The following SCAF11 variants were observed in gnomAD, a reference collection of about 807,000 sequenced individuals.
SCAF11 encodes the protein protein SCAF11.
In SCAF11, 47 loss-of-function variants were observed where a neutral mutation model predicts 140.5. The observed-to-expected ratio is 0.33, with a 90% confidence interval of 0.26 to 0.43. SCAF11 has a LOEUF of 0.43. Ranked by LOEUF, SCAF11 falls within the 20% of genes least tolerant of loss-of-function variation. The pLI is 1.00. For missense variants in SCAF11, 1,645 were observed against 1,705.1 expected (o/e 0.96, Z 0.62); for synonymous variants, 557 against 579.4 (o/e 0.96, Z 0.55).
intron 3 of SCAF11, chr12:45,956,024 C>T (rs979806728): frequency 1.5e-6 from 1 of 687,640 alleles, no homozygotes; most frequent in African/African-American, 1.8e-5. Context: ...CAGTAAAACA[C>T]ACCCTACTAT....
intron 3 of SCAF11, chr12:45,961,123 C>T (rs1945815734): frequency 1.9e-6 from 1 of 536,494 alleles, no homozygotes; most frequent in African/African-American, 1.9e-5. Flanking sequence ...TGAAATTAGT[C>T]CACACTAAAT....
intron 6 of SCAF11, among the ~76,000 whole-genome samples, chr12:45,937,974 T>A (rs975662056): frequency 2.0e-5 from 3 of 152,196 alleles, no homozygotes; most frequent in African/African-American, 7.2e-5. Flanking sequence ...CCTTCACAGA[T>A]AATGGAGGCC....
intron 1 of SCAF11, among the ~76,000 whole-genome samples, chr12:45,970,130 G>A (rs993435732): frequency 1.3e-5 from 2 of 152,036 alleles, no homozygotes; most frequent in Non-Finnish European, 2.9e-5. Context: ...TCCTGACCTC[G>A]TGATCCACCC....
chr12:45,942,255 T>G (rs572404439), intron 6 of SCAF11, among the ~76,000 whole-genome samples: 18 of 152,326 alleles, frequency 1.2e-4, no homozygotes, highest in Admixed American at 5.2e-4. Context: ...TTTTCAAGGA[T>G]CAATGGTACA....
chr12:45,965,689 T>G (rs1162937670), intron 1 of SCAF11, among the ~76,000 whole-genome samples: 2 of 152,382 alleles, frequency 1.3e-5, no homozygotes, highest in Admixed American at 1.3e-4. Flanking sequence ...TATGCATTTA[T>G]ATCTACGCAC....
Position 45,936,562 on chromosome 12 carries a change from C to T in SCAF11, c.464-2057G>A, listed in dbSNP as rs1945177947. On this transcript the variant is annotated intron_variant, in intron 6 of 14. Coordinates refer to ENST00000369367, the MANE Select transcript of SCAF11 (RefSeq NM_004719.3). ...CAAAAGTATAAATCTGAGTTTAATA[C>T]ACTCAAACACAACAACTCATCCATA... Among the ~76,000 whole-genome samples, 3 of 152,302 alleles carry T rather than the reference C, an allele frequency of 2.0e-5. No homozygotes were observed. In the South Asian group the frequency reaches 6.2e-4, roughly 32 times the overall value.
Position 45,920,426 on chromosome 12 carries a change from G to C in SCAF11, c.*1622C>G, listed in dbSNP as rs934929513. The C allele has an allele frequency of 6.6e-6, 1 of 152,110 alleles. No homozygotes were observed. Among genetic ancestry groups the C allele is most frequent in the African/African-American group, 2.4e-5 (1 of 41,382 alleles). 9.4% of individuals were successfully genotyped at this position (152,110 alleles called of 1,614,324 possible). On this transcript the variant is annotated 3_prime_UTR_variant, in exon 15 of 15. Coordinates refer to ENST00000369367, the MANE Select transcript of SCAF11 (RefSeq NM_004719.3). ...ATCTCACTGAGGCATGTATCTCCTT[G>C]GATCTATTAACTTATCTGAAGAACT...
chr12:45,972,909 GATATATATATAGATATATAGATAT>G (rs1565688896), intron 1 of SCAF11, among the ~76,000 whole-genome samples: 1 of 68,470 alleles, frequency 1.5e-5, no homozygotes, highest in African/African-American at 6.3e-5. Flanking sequence ...TATATATATA[GATATATATATAGATATATAGATAT>G]ATATAGATAT....
chr12:45,955,973 A>G (rs1945682098), intron 3 of SCAF11: 2 of 637,076 alleles, frequency 3.1e-6, no homozygotes, highest in Admixed American at 2.4e-5. Flanking sequence ...ATCAGTTAAG[A>G]AGGCAATTTT....
Position 45,926,291 on chromosome 12 carries a change from G to T in SCAF11, c.3410C>A (p.Ala1137Glu). 6.2e-7 allele frequency: 1 copy of T among 1,614,120 alleles called. No individual in the cohort carries two copies. Among genetic ancestry groups the T allele is most frequent in the South Asian group, 1.1e-5 (1 of 91,084 alleles). Residue 1137 changes from alanine (A) to glutamate (E), a missense_variant, in exon 11 of 15, where the codon GCA (alanine) becomes GAA (glutamate). Physicochemically the swap from Ala to Glu is moderately radical, Grantham distance 107. This residue lies in a region of SCAF11 where 1,582 missense variants were observed against 1,609.2 expected (regional missense o/e 0.98). Coordinates refer to ENST00000369367, the MANE Select transcript of SCAF11 (RefSeq NM_004719.3). ...TGCAGATGTCCATCCAGATCTATCT[G>T]CTGGTGTATCAAATGAGAACTCCTG... is the stretch of plus-strand genomic sequence containing the variant. Reference protein sequence around the residue: ...SEQEFSFDTPADRSGWTSASS... With the variant: ...SEQEFSFDTPEDRSGWTSASS...
chr12:45,932,651 TTAG>T (rs1945077915), intron 9 of SCAF11, among the ~76,000 whole-genome samples: 1 of 152,194 alleles, frequency 6.6e-6, no homozygotes, highest in Non-Finnish European at 1.5e-5. Flanking sequence ...TAGCACCATC[TTAG>T]TAGCTTCAAG....
rs1434920082 is a variant in SCAF11 at position 45,923,102 on chromosome 12, G to C, written c.3959C>G (p.Pro1320Arg). The C allele has an allele frequency of 6.2e-7, 1 of 1,614,038 alleles. No individual in the cohort carries two copies. The highest frequency in any genetic ancestry group is 8.5e-7 in the Non-Finnish European group (1 of 1,180,018). ...VSNNMSTPVL[P>R]APTAAPGNTG... ...ATTTCCTGGGGCTGCTGTCGGAGCA[G>C]GCAAAACTGGTGTACTCATGTTATT... Residue 1320 changes from proline (P) to arginine (R), a missense_variant, in exon 13 of 15, where the codon CCT (proline) becomes CGT (arginine). Pro to Arg is a moderately radical substitution (Grantham distance 103, BLOSUM62 -2). Around this residue, in one of 2 missense-constraint regions of SCAF11, gnomAD observed 1,582 missense variants for 1,609.2 expected, o/e 0.98. Transcript: ENST00000369367.
Position 45,924,887 on chromosome 12 carries a change from A to G in SCAF11, c.3747T>C (p.Ile1249=), listed in dbSNP as rs1323225474. 6.2e-7 allele frequency: 1 copy of G among 1,614,110 alleles called. No homozygotes were observed. Residue 1249 remains isoleucine (I), a synonymous_variant, in exon 12 of 15, where the codon ATT becomes ATC. Transcript: ENST00000369367. ...LMNIQRNPFN[I]HPQLPLHLHT... is the part of the protein sequence containing the mutation. ...GGAGATGCAAGGGTAGCTGAGGATG[A>G]ATGTTAAATGGATTGCGTTGGATGT...
intron 6 of SCAF11, among the ~76,000 whole-genome samples, chr12:45,942,323 A>G (rs1163605299): frequency 6.6e-6 from 1 of 152,246 alleles, no homozygotes; most frequent in African/African-American, 2.4e-5. Context: ...CCAAGCCACT[A>G]CAATTTGTGG....
In SCAF11 at chr12:45,990,397, T is replaced by C. The variant is rs1187494578; in HGVS notation, c.-66A>G. The C allele has an allele frequency of 2.4e-6, 3 of 1,232,372 alleles. No individual in the cohort carries two copies. In the Admixed American group the frequency reaches 1.3e-4, roughly 52 times the overall value. The allele number at this position is 1,232,372 out of a possible 1,614,324, so 76.3% of individuals were successfully genotyped here. ...GCTCGGTCCGGCCGCGGCCCCACAG[T>C]AGGTTCCCAGGTCCCAGTCACTCCG... On this transcript the variant is annotated 5_prime_UTR_variant, in exon 1 of 15. Coordinates refer to ENST00000369367, the MANE Select transcript of SCAF11 (RefSeq NM_004719.3).
At chr12:45,922,643 A>C in intron 13 of SCAF11, 61 bp from the exon 14 acceptor site, 1 of 1,488,628 alleles carries the variant, frequency 6.7e-7, no homozygotes, top group Non-Finnish European at 9.0e-7. Context: ...ACAAAATCCC[A>C]AACAAGAAAT....
chr12:45,961,383 C>A, intron 3 of SCAF11: 1 of 706,082 alleles, frequency 1.4e-6, no homozygotes, highest in South Asian at 1.5e-5. Context: ...AGATATTATC[C>A]TATTAAGCAC....
In SCAF11 at chr12:45,931,514, T is replaced by C; in HGVS notation, c.833A>G (p.Glu278Gly). 7.1e-7 allele frequency: 1 copy of C among 1,416,874 alleles called. No individual in the cohort carries two copies. Among genetic ancestry groups the C allele is most frequent in the Non-Finnish European group, 9.3e-7 (1 of 1,075,446 alleles). The allele number at this position is 1,416,874 out of a possible 1,614,324, so 87.8% of individuals were successfully genotyped here. A position where few individuals can be genotyped will look rare whatever the true frequency, so the allele number is the denominator to read the frequency against. The change falls in exon 10 of 15, where the codon GAA becomes GGA. Residue 278 changes from glutamate to glycine, a missense_variant. Physicochemically the swap from Glu to Gly is moderately conservative, Grantham distance 98. This residue lies in a region of SCAF11 where 1,582 missense variants were observed against 1,609.2 expected (regional missense o/e 0.98). Transcript: ENST00000369367. Reference sequence around the variant, plus strand: ...GATTTCACAAACTTTACCAAAATGTTCGAAAGATATGGTACTTGTTGGAAA... The same window carrying C: ...GATTTCACAAACTTTACCAAAATGTCCGAAAGATATGGTACTTGTTGGAAA... Reference protein sequence around the residue: ...TIFPTSTISFEHFGTSCKGYA... With the variant: ...TIFPTSTISFGHFGTSCKGYA...
chr12:45,946,320 A>C (rs998530041), intron 5 of SCAF11, among the ~76,000 whole-genome samples: 2 of 152,216 alleles, frequency 1.3e-5, no homozygotes, highest in African/African-American at 4.8e-5. Flanking sequence ...TGGAAGACCA[A>C]GTATCCAGTA....
Sources: gnomAD v4.1 joint callset for allele counts (sites outside exome capture counted in the v4.1 genomes callset) on GRCh38, gnomAD v4.1.1 for gene constraint, gnomAD v4.1.1 regional missense constraint, MANE v1.5 for transcripts, NCBI Gene and HGNC (gene_info 2026-07-23, HGNC 2026-07-21) for gene names.